Variants in HSF2 observed in about 807,000 individuals in gnomAD.
HSF2 encodes heat shock factor protein 2.
In HSF2, 21 loss-of-function variants were observed where a neutral mutation model predicts 65.0. That is an observed-to-expected ratio of 0.32 (90% CI 0.23 to 0.47). The LOEUF (loss-of-function observed/expected upper bound fraction) is 0.47, where lower values mean the gene tolerates loss of function less well. Ranked by LOEUF, HSF2 falls within the 20% of genes least tolerant of loss-of-function variation. The pLI is 1.00. For missense variants in HSF2, 499 were observed against 628.1 expected (o/e 0.79, Z 2.20); for synonymous variants, 225 against 219.1 (o/e 1.03, Z -0.24).
At chr6:122,430,068 G>A (rs1323721290) in intron 11 of HSF2, among the ~76,000 whole-genome samples, 1 of 152,162 alleles carries the variant, frequency 6.6e-6, no homozygotes, top group Non-Finnish European at 1.5e-5. Context: ...GTTTGGAATA[G>A]TTTCAGAAGG....
intron 4 of HSF2, among the ~76,000 whole-genome samples, chr6:122,414,748 C>T (rs1774084858): frequency 6.6e-6 from 1 of 152,156 alleles, no homozygotes; most frequent in Non-Finnish European, 1.5e-5. Flanking sequence ...GCCTCAGCCT[C>T]CCTAGTAGCT....
At chr6:122,412,945 A>AG (rs1412668910) in intron 3 of HSF2, among the ~76,000 whole-genome samples, 181 bp downstream of exon 3, 21 of 152,014 alleles carry the variant, frequency 1.4e-4, no homozygotes, top group African/African-American at 5.1e-4. Flanking sequence ...AAAAAAAAAA[A>AG]AAGTTTAAGT....
intron 5 of HSF2, 97 bp downstream of exon 5, chr6:122,416,393 T>G (rs989108880): frequency 1.4e-6 from 1 of 689,680 alleles, no homozygotes; most frequent in Admixed American, 2.4e-5. Context: ...GTGATTGATC[T>G]TAGTTTCTTA....
chr6:122,411,956 AC>A (rs1360639057), intron 1 of HSF2, among the ~76,000 whole-genome samples: 1 of 151,918 alleles, frequency 6.6e-6, no homozygotes, highest in Non-Finnish European at 1.5e-5. Context: ...AATTATGTCT[AC>A]TATGTCTACT....
In HSF2 at chr6:122,420,183, G is replaced by T; in HGVS notation, c.642G>T (p.Gln214His). ...TNGAQKKNLF[Q>H]HIVKEPTDNH... ...GAGCCCAAAAGAAGAACCTGTTTCA[G>T]CACATAGTCAAAGAACCAACTGATA... The change falls in exon 7 of 13, where the codon CAG (glutamine) becomes CAT (histidine). Residue 214 changes from glutamine (Q) to histidine (H), a missense_variant. This residue lies in a region of HSF2 where 349 missense variants were observed against 393.5 expected (regional missense o/e 0.89). Coordinates refer to ENST00000368455, the MANE Select transcript of HSF2 (RefSeq NM_004506.4). 2 of 1,607,906 alleles carry T rather than the reference G, an allele frequency of 1.2e-6. No homozygotes were observed. The highest frequency in any genetic ancestry group is 1.7e-6 in the Non-Finnish European group (2 of 1,175,338).
intron 7 of HSF2, among the ~76,000 whole-genome samples, chr6:122,421,639 A>AC (rs1217953855): frequency 6.6e-6 from 1 of 152,224 alleles, no homozygotes; most frequent in East Asian, 1.9e-4. Context: ...AGTTTAAAAA[A>AC]AAATCATTGC....
At chr6:122,415,071 C>CT in intron 4 of HSF2, among the ~76,000 whole-genome samples, 1 of 152,102 alleles carries the variant, frequency 6.6e-6, no homozygotes, top group East Asian at 1.9e-4. Context: ...AAGAAGATGA[C>CT]TTGTGGAGAA....
At chr6:122,416,161 A>G (rs919673422) in intron 4 of HSF2, 60 bp from the exon 5 acceptor site, 6 of 993,488 alleles carry the variant, frequency 6.0e-6, no homozygotes, top group African/African-American at 1.6e-5. Flanking sequence ...TAAAGATACT[A>G]TGGTCTGGTT....
intron 1 of HSF2, 49 bp from the exon 2 acceptor site, chr6:122,412,324 C>T (rs1400055192): frequency 5.6e-6 from 6 of 1,072,026 alleles, no homozygotes; most frequent in African/African-American, 1.6e-5. Flanking sequence ...CACCATGTGT[C>T]ATAGGAACTT....
intron 1 of HSF2, among the ~76,000 whole-genome samples, chr6:122,401,893 T>A (rs572459075): frequency 6.6e-6 from 1 of 152,274 alleles, no homozygotes; most frequent in African/African-American, 2.4e-5. Context: ...CAGGTGAGAT[T>A]ATTTATCCAT....
Position 122,422,228 on chromosome 6 carries a change from G to C in HSF2, c.760G>C (p.Asp254His). 2 of 1,594,520 alleles carry C rather than the reference G, an allele frequency of 1.3e-6. No homozygotes were observed. Among genetic ancestry groups the C allele is most frequent in the Non-Finnish European group, 8.6e-7 (1 of 1,162,864 alleles). The change falls in exon 8 of 13, where the codon GAT becomes CAT. Residue 254 changes from aspartate (D) to histidine (H), a missense_variant. Asp to His is a moderately conservative substitution (Grantham distance 81). This residue lies in a region of HSF2 where 349 missense variants were observed against 393.5 expected (regional missense o/e 0.89). Coordinates refer to ENST00000368455, the MANE Select transcript of HSF2 (RefSeq NM_004506.4). ...DDIIIYDVTD[D>H]NADEENIPVI... is the part of the protein sequence containing the mutation. ...CATCATTATTTATGATGTTACTGAT[G>C]ATAATGCAGATGAAGAAAATATCCC...
Position 122,431,816 on chromosome 6 carries a change from A to G in HSF2, c.1316-109A>G, listed in dbSNP as rs540994621. 132 of 884,570 alleles carry G rather than the reference A, an allele frequency of 1.5e-4. No homozygotes were observed. The East Asian group carries it at 2.8e-3, about 19-fold the overall frequency. 54.8% of individuals were successfully genotyped at this position (884,570 alleles called of 1,614,324 possible). A position where few individuals can be genotyped will look rare whatever the true frequency, so the allele number is the denominator to read the frequency against. On this transcript the variant is annotated intron_variant, in intron 12 of 12. Transcript: ENST00000368455. ...GCATCATGTCATTTCTTGTTTGGCT[A>G]TATGAGAGTAGTAATTGCCTATGTG...
At chr6:122,417,959 A>T (rs1195185217) in intron 5 of HSF2, among the ~76,000 whole-genome samples, 1 of 152,162 alleles carries the variant, frequency 6.6e-6, no homozygotes, top group Non-Finnish European at 1.5e-5. Context: ...GAACCTCTTC[A>T]GTTAAAATGT....
Position 122,399,695 on chromosome 6 carries a change from CG to C in HSF2, c.-42del, listed in dbSNP as rs1562195063. The C allele has an allele frequency of 4.5e-6, 7 of 1,554,056 alleles. No individual in the cohort carries two copies. The highest frequency in any genetic ancestry group is 6.2e-6 in the Non-Finnish European group (7 of 1,133,022). ...CCGTAGCTGCCGCCGCCGCTACCAC[CG>C]CGTTCGGGTGTAGAATTTGGAATCC... On this transcript the variant is annotated 5_prime_UTR_variant, in exon 1 of 13. Transcript: ENST00000368455.
intron 1 of HSF2, among the ~76,000 whole-genome samples, chr6:122,403,533 T>C (rs1042800663): frequency 7.2e-5 from 11 of 152,058 alleles, no homozygotes; most frequent in African/African-American, 2.4e-4. Flanking sequence ...CTTGAGCCCA[T>C]GAGGCAGAGG....
At chr6:122,418,059 C>T (rs1433518189) in intron 5 of HSF2, among the ~76,000 whole-genome samples, 1 of 152,020 alleles carries the variant, frequency 6.6e-6, no homozygotes, top group Non-Finnish European at 1.5e-5. Context: ...CTGTTAGAAC[C>T]TGTACAATAG....
chr6:122,419,224 TA>T lies in HSF2; in HGVS notation c.592del (p.Arg198GlyfsTer5). 1 of 1,475,766 alleles carries T rather than the reference TA, an allele frequency of 6.8e-7. No individual in the cohort carries two copies. Among genetic ancestry groups the T allele is most frequent in the Non-Finnish European group, 9.4e-7 (1 of 1,059,660 alleles). The allele number at this position is 1,475,766 out of a possible 1,614,324, so 91.4% of individuals were successfully genotyped here. ...ATAACCAACTTGTGAGTTTAAAACG[TA>T]AAAGGTAAGTTTTTATGATAAAGTA... ...QNNQLVSLKR[K>X]RPLLLNTNGA... On this transcript the variant is annotated frameshift_variant, in exon 6 of 13. Transcript: ENST00000368455. LOFTEE classifies it high-confidence loss of function.
chr6:122,432,078 G>C lies in HSF2; in HGVS notation c.1469G>C (p.Ser490Thr). 5 of 1,614,118 alleles carry C rather than the reference G, an allele frequency of 3.1e-6. No homozygotes were observed. The highest frequency in any genetic ancestry group is 1.1e-5 in the South Asian group (1 of 91,082). Residue 490 changes from serine (S) to threonine (T), a missense_variant, in exon 13 of 13, where the codon AGC becomes ACC. Coordinates refer to ENST00000368455, the MANE Select transcript of HSF2 (RefSeq NM_004506.4). ...GAAGTTGATGAGCTTCTGGATAGCAGCCTAGACCCAGAACCAACCCAAAGT... is the reference window on the plus strand; with the variant it reads ...GAAGTTGATGAGCTTCTGGATAGCACCCTAGACCCAGAACCAACCCAAAGT... ...PIEVDELLDS[S>T]LDPEPTQSKL... is the part of the protein sequence containing the mutation.
chr6:122,404,556 G>T (rs993142317), intron 1 of HSF2, among the ~76,000 whole-genome samples: 1 of 152,114 alleles, frequency 6.6e-6, no homozygotes, highest in African/African-American at 2.4e-5. Context: ...TGAAGTATTA[G>T]ATTATTAGGA....
Sources: allele counts gnomAD v4.1 joint callset (sites outside exome capture counted in the v4.1 genomes callset), GRCh38; gene constraint gnomAD v4.1.1; regional missense constraint gnomAD v4.1.1; transcripts MANE v1.5; gene names NCBI Gene and HGNC (gene_info 2026-07-23, HGNC 2026-07-21).